The following FILIP1 variants were observed in gnomAD, a reference collection of about 807,000 sequenced individuals.
The protein encoded by FILIP1 is filamin-A-interacting protein 1.
In FILIP1, 61 loss-of-function variants were observed where a neutral mutation model predicts 102.1. The ratio of observed to expected loss-of-function variants is 0.60; its 90% CI spans 0.49 to 0.74. The LOEUF (loss-of-function observed/expected upper bound fraction) is 0.74, where lower values mean the gene tolerates loss of function less well. Ranked by LOEUF, FILIP1 falls within the 30% of genes least tolerant of loss-of-function variation. The probability of loss-of-function intolerance (pLI) is 0.00; values close to 1 mark genes in which losing one functional copy is unlikely to be tolerated. For missense variants in FILIP1, 1,314 were observed against 1,441.2 expected, an observed-to-expected ratio of 0.91 and a Z score of 1.43; for synonymous variants, 491 against 526.9, an observed-to-expected ratio of 0.93 and a Z score of 0.93.
intron 1 of FILIP1, among the ~76,000 whole-genome samples, chr6:75,424,307 A>C (rs1412428573): frequency 6.6e-6 from 1 of 152,182 alleles, no homozygotes; most frequent in Non-Finnish European, 1.5e-5. Flanking sequence ...AAGAAGTCTC[A>C]AACAATAATA....
In FILIP1 at chr6:75,314,016, C is replaced by A; in HGVS notation, c.1816G>T (p.Val606Leu). The part of the protein sequence containing the change: ...LKKRLDGIEE[V>L]EREITRGRSR... ...CTTCCTCTTGTTATTTCTCTTTCCA[C>A]TTCCTCTATACCATCAAGTCTCTTC... Residue 606 changes from valine (V) to leucine (L), a missense_variant, in exon 5 of 6, where the codon GTG (valine) becomes TTG (leucine). Physicochemically the swap from Val to Leu is conservative, Grantham distance 32. This residue lies in a region of FILIP1 where 816 missense variants were observed against 913.1 expected (regional missense o/e 0.89). Coordinates refer to ENST00000237172, the MANE Select transcript of FILIP1 (RefSeq NM_015687.5). 6.4e-7 allele frequency: 1 copy of A among 1,551,724 alleles called. No homozygotes were observed. Among genetic ancestry groups the A allele is most frequent in the Non-Finnish European group, 8.6e-7 (1 of 1,156,092 alleles).
chr6:75,396,825 T>C (rs1287885913), intron 2 of FILIP1, among the ~76,000 whole-genome samples: 1 of 151,822 alleles, frequency 6.6e-6, no homozygotes, highest in Non-Finnish European at 1.5e-5. Context: ...CCAGTCAGGA[T>C]TTGTAAGATT....
intron 1 of FILIP1, among the ~76,000 whole-genome samples, chr6:75,420,553 A>C (rs1303744696): frequency 1.3e-5 from 2 of 152,106 alleles, no homozygotes; most frequent in Non-Finnish European, 2.9e-5. Context: ...CACTTTCCAA[A>C]AAATTGTATT....
intron 3 of FILIP1, among the ~76,000 whole-genome samples, chr6:75,355,361 T>C (rs1774954987): frequency 6.6e-6 from 1 of 152,066 alleles, no homozygotes; most frequent in South Asian, 2.1e-4. Flanking sequence ...TACCAGGTCT[T>C]TGTGCCTCTT....
At chr6:75,311,767 G>T (rs976267979) in intron 5 of FILIP1, among the ~76,000 whole-genome samples, 3 of 152,176 alleles carry the variant, frequency 2.0e-5, no homozygotes, top group Non-Finnish European at 4.4e-5. Context: ...AAAGTGCTGG[G>T]ATTACTGGCA....
intron 2 of FILIP1, among the ~76,000 whole-genome samples, chr6:75,370,799 A>C (rs1457106696): frequency 1.3e-5 from 2 of 150,676 alleles, no homozygotes; most frequent in Non-Finnish European, 3.0e-5. Flanking sequence ...CTGGTCTCGA[A>C]CTCCTGACCT....
intron 4 of FILIP1, among the ~76,000 whole-genome samples, chr6:75,351,971 C>T (rs1050025063): frequency 6.6e-6 from 1 of 152,176 alleles, no homozygotes; most frequent in African/African-American, 2.4e-5. Flanking sequence ...CTTAGCTTAA[C>T]AGGAACTTAA....
At chr6:75,337,434 T>C (rs1774279760) in intron 4 of FILIP1, among the ~76,000 whole-genome samples, 2 of 152,240 alleles carry the variant, frequency 1.3e-5, no homozygotes, top group Admixed American at 6.5e-5. Context: ...GAGGACATGA[T>C]TCCTGAATTA....
At chr6:75,485,826 G>A (rs1375091174) in intron 1 of FILIP1, among the ~76,000 whole-genome samples, 1 of 152,014 alleles carries the variant, frequency 6.6e-6, no homozygotes, top group Non-Finnish European at 1.5e-5. Flanking sequence ...ACTACAGCAA[G>A]CTCTCTGTTT....
chr6:75,341,883 T>C (rs1338669167), intron 4 of FILIP1, among the ~76,000 whole-genome samples: 1 of 152,200 alleles, frequency 6.6e-6, no homozygotes, highest in Non-Finnish European at 1.5e-5. Context: ...CATGATTTAG[T>C]GAAACTTGTA....
intron 1 of FILIP1, among the ~76,000 whole-genome samples, chr6:75,445,377 C>T (rs1778410467): frequency 6.6e-6 from 1 of 152,088 alleles, no homozygotes; most frequent in African/African-American, 2.4e-5. Context: ...GATCTCTCTT[C>T]CCTAAACACA....
rs555501250 is a variant in FILIP1, at chr6:75,378,133, A to C, written c.277-15216T>G. Among the ~76,000 whole-genome samples, 106 of 152,302 alleles carry C rather than the reference A, an allele frequency of 7.0e-4. 1 individual carries two copies. The highest frequency in any genetic ancestry group is 2.4e-3 in the African/African-American group (99 of 41,572). ...TCTGCTTAAAGGCATCTTATTTTAT[A>C]AAAACTGTTACTTAATTAACATTGA... On this transcript the variant is annotated intron_variant, in intron 2 of 5. Coordinates refer to ENST00000237172, the MANE Select transcript of FILIP1 (RefSeq NM_015687.5).
At chr6:75,372,653 GAA>G (rs1230356395) in intron 2 of FILIP1, among the ~76,000 whole-genome samples, 6 of 57,734 alleles carry the variant, frequency 1.0e-4, no homozygotes, top group African/African-American at 5.5e-4. Context: ...AAGAAAGAAA[GAA>G]AGAAAGAAAG....
chr6:75,292,127 C>T (rs574865738), exon 7 of FILIP1: 39 of 152,216 alleles, frequency 2.6e-4, no homozygotes, highest in African/African-American at 8.9e-4. Context: ...TTCTCGTGTA[C>T]TTAATAAAAC....
chr6:75,415,564 G>T (rs1176053320), intron 1 of FILIP1, among the ~76,000 whole-genome samples: 1 of 146,774 alleles, frequency 6.8e-6, no homozygotes, highest in Non-Finnish European at 1.5e-5. Flanking sequence ...AGCCCACATA[G>T]GGTGGGGGCT....
At chr6:75,359,490 G>C (rs537648175) in intron 3 of FILIP1, among the ~76,000 whole-genome samples, 29 of 152,308 alleles carry the variant, frequency 1.9e-4, no homozygotes, top group African/African-American at 7.0e-4. Flanking sequence ...CATGAAAATA[G>C]ATAAGATTTA....
chr6:75,326,672 T>C lies in FILIP1; in HGVS notation c.630-11470A>G, dbSNP rs566906776. ...AGCAAGGCAATACTATACCATTTTA[T>C]AAATAAGGTAAATCATTATTTAACT... is the stretch of plus-strand genomic sequence containing the variant. On this transcript the variant is annotated intron_variant, in intron 4 of 5. Coordinates refer to ENST00000237172, the MANE Select transcript of FILIP1 (RefSeq NM_015687.5). 1.4e-4 allele frequency among the ~76,000 whole-genome samples: 22 copies of C among 152,334 alleles called. No homozygotes were observed. The South Asian group carries it at 4.4e-3, about 30-fold the overall frequency.
At chr6:75,319,272 C>T in intron 4 of FILIP1, 1 of 678,072 alleles carries the variant, frequency 1.5e-6, no homozygotes, top group Admixed American at 1.9e-5. Context: ...TATTTCACAC[C>T]TGTCCCAGTT....
chr6:75,315,089 A>T lies in FILIP1; in HGVS notation c.743T>A (p.Leu248His). The T allele has an allele frequency of 6.2e-7, 1 of 1,613,838 alleles. No homozygotes were observed. The highest frequency in any genetic ancestry group is 2.2e-5 in the East Asian group (1 of 44,880). Reference protein sequence around the residue: ...DELVKLKSFALMLVDERQMHI... With the variant: ...DELVKLKSFAHMLVDERQMHI... The stretch of plus-strand genomic sequence containing the variant: ...CATTTGTCTTTCATCCACCAGCATG[A>T]GTGCAAAGGATTTGAGTTTAACAAG... The change falls in exon 5 of 6, where the codon CTC becomes CAC. Residue 248 changes from leucine (L) to histidine (H), a missense_variant. Leu to His is a moderately conservative substitution (Grantham distance 99). Around this residue, in one of 3 missense-constraint regions of FILIP1, gnomAD observed 494 missense variants for 511.2 expected, o/e 0.97. Transcript: ENST00000237172.
Sources: allele counts gnomAD v4.1 joint callset (sites outside exome capture counted in the v4.1 genomes callset), GRCh38; gene constraint gnomAD v4.1.1; regional missense constraint gnomAD v4.1.1; transcripts MANE v1.5; gene names NCBI Gene and HGNC (gene_info 2026-07-23, HGNC 2026-07-21).